SHROOM3: variants seen among roughly 807,000 people sequenced by gnomAD.
The protein encoded by SHROOM3 is protein Shroom3.
In SHROOM3, 47 loss-of-function variants were observed where a neutral mutation model predicts 138.6. The ratio of observed to expected loss-of-function variants is 0.34; its 90% CI spans 0.27 to 0.43. The LOEUF (loss-of-function observed/expected upper bound fraction) is 0.43. SHROOM3 is among the 20% of genes least tolerant of loss of function. The pLI, the probability that SHROOM3 is intolerant of heterozygous loss-of-function variation, is 1.00. For missense variants in SHROOM3, 2,491 were observed against 2,596.5 expected (o/e 0.96, Z 0.88); for synonymous variants, 1,062 against 1,063.3 (o/e 1.00, Z 0.02).
intron 1 of SHROOM3, among the ~76,000 whole-genome samples, chr4:76,512,197 C>G (rs1236828613): frequency 6.6e-6 from 1 of 152,094 alleles, no homozygotes; most frequent in Non-Finnish European, 1.5e-5. Context: ...GAAATTGACA[C>G]AAGTACCAGG....
chr4:76,627,437 T>C (rs1192180122), intron 2 of SHROOM3, among the ~76,000 whole-genome samples: 1 of 152,200 alleles, frequency 6.6e-6, no homozygotes, highest in Admixed American at 6.5e-5. Flanking sequence ...CTTGTAGATA[T>C]GCCAGTAAGA....
chr4:76,655,188 T>C (rs938105937), intron 2 of SHROOM3, among the ~76,000 whole-genome samples: 5 of 152,238 alleles, frequency 3.3e-5, no homozygotes, highest in Non-Finnish European at 5.9e-5. Flanking sequence ...TCCAATATTA[T>C]ATGCAAATAT....
chr4:76,556,499 C>G (rs1021449045), intron 2 of SHROOM3, among the ~76,000 whole-genome samples: 1 of 152,192 alleles, frequency 6.6e-6, no homozygotes, highest in Non-Finnish European at 1.5e-5. Context: ...CTGGAGGTAG[C>G]CAAGCTGATA....
chr4:76,552,280 G>A (rs1360480894), intron 1 of SHROOM3, among the ~76,000 whole-genome samples: 1 of 150,906 alleles, frequency 6.6e-6, no homozygotes, highest in Admixed American at 6.6e-5. Flanking sequence ...GCCAAAGTGG[G>A]AGGATCACTT....
chr4:76,630,106 C>A (rs966131623), intron 2 of SHROOM3, among the ~76,000 whole-genome samples: 4 of 152,178 alleles, frequency 2.6e-5, no homozygotes, highest in African/African-American at 9.7e-5. Context: ...ACCAGCTACA[C>A]TTGTTAGTTT....
chr4:76,580,645 C>T lies in SHROOM3; in HGVS notation c.323+24882C>T, dbSNP rs1051469723. On this transcript the variant is annotated intron_variant, in intron 2 of 10. Coordinates refer to ENST00000296043, the MANE Select transcript of SHROOM3 (RefSeq NM_020859.4). ...TTCTCCATGTTGGTCAGGCTGGTCT[C>T]GAACACCTGACCTCAGGTGATCTGC... Among the ~76,000 whole-genome samples the T allele has an allele frequency of 5.3e-5, 8 of 152,134 alleles. No individual in the cohort carries two copies. The South Asian group carries it at 1.0e-3, about 20-fold the overall frequency.
rs1373660662 is a variant in SHROOM3 at position 76,738,813 on chromosome 4, C to G, written c.640C>G (p.Pro214Ala). Residue 214 changes from proline (P) to alanine (A), a missense_variant, in exon 5 of 11, where the codon CCT becomes GCT. Physicochemically the swap from Pro to Ala is conservative, Grantham distance 27. This residue lies in a region of SHROOM3 where 284 missense variants were observed against 322.8 expected (regional missense o/e 0.88). Transcript: ENST00000296043. The stretch of plus-strand genomic sequence containing the variant: ...TGACCATGCTTATCTAAGGCGGAGC[C>G]CTGACCAGTGCAGCTCCCAGGGGAG... ...NYDHAYLRRSPDQCSSQGSME... is the reference protein window; with the variant it reads ...NYDHAYLRRSADQCSSQGSME... 6.2e-7 allele frequency: 1 copy of G among 1,614,256 alleles called. No homozygotes were observed. Among genetic ancestry groups the G allele is most frequent in the Admixed American group, 1.7e-5 (1 of 60,034 alleles).
intron 2 of SHROOM3, among the ~76,000 whole-genome samples, chr4:76,633,735 C>CA (rs1463838235): frequency 6.6e-6 from 1 of 151,272 alleles, no homozygotes; most frequent in Admixed American, 6.6e-5. Context: ...TTTGTTTCAG[C>CA]AAAAAATCTT....
rs577391821 is a variant in SHROOM3, at chr4:76,763,986, C to A, written c.5349+4291C>A. Among the ~76,000 whole-genome samples, 4 of 152,192 alleles carry A rather than the reference C, an allele frequency of 2.6e-5. No individual in the cohort carries two copies. In the South Asian group the frequency reaches 8.3e-4, roughly 32 times the overall value. On this transcript the variant is annotated intron_variant, in intron 9 of 10. Coordinates refer to ENST00000296043, the MANE Select transcript of SHROOM3 (RefSeq NM_020859.4). ...AATATTGTTTTGAGGTAGAATGTAG[C>A]CTTTGACCAACTTTTGCAAAGTAAT...
intron 1 of SHROOM3, among the ~76,000 whole-genome samples, chr4:76,550,015 C>G (rs1733315081): frequency 6.6e-6 from 1 of 152,084 alleles, no homozygotes; most frequent in African/African-American, 2.4e-5. Flanking sequence ...AATTGGCTGA[C>G]CTCTGAGGGA....
intron 5 of SHROOM3, among the ~76,000 whole-genome samples, chr4:76,746,003 T>A (rs564423668): frequency 4.6e-5 from 7 of 152,202 alleles, no homozygotes; most frequent in African/African-American, 1.7e-4. Flanking sequence ...AAAATAAAAT[T>A]ATTCCTCACA....
intron 1 of SHROOM3, among the ~76,000 whole-genome samples, chr4:76,519,342 T>TA (rs1732514140): frequency 6.6e-6 from 1 of 152,212 alleles, no homozygotes. Context: ...AGTTTACTCC[T>TA]AAATGTTCAG....
At chr4:76,615,133 A>AAAGTTCTAGCACATTTG (rs1734845677) in intron 2 of SHROOM3, among the ~76,000 whole-genome samples, 1 of 152,264 alleles carries the variant, frequency 6.6e-6, no homozygotes, top group Non-Finnish European at 1.5e-5. Flanking sequence ...CAGGAGGCAC[A>AAAGTTCTAGCACATTTG]AAGTTCTAGC....
intron 1 of SHROOM3, among the ~76,000 whole-genome samples, chr4:76,450,349 A>G (rs1179837528): frequency 2.6e-5 from 4 of 152,198 alleles, no homozygotes; most frequent in Non-Finnish European, 5.9e-5. Context: ...AATATTAAAC[A>G]TAGAGTTACC....
intron 1 of SHROOM3, among the ~76,000 whole-genome samples, chr4:76,490,544 C>T (rs1019531406): frequency 5.3e-5 from 8 of 151,998 alleles, no homozygotes; most frequent in Admixed American, 2.6e-4. Context: ...TGTGAGCCAC[C>T]GCACCCGGCT....
In SHROOM3 at chr4:76,646,225, A is replaced by AATAAATAAATAAATAT. The variant is rs61374645; in HGVS notation, c.324-63928_324-63927insAATAAATAAATATATA. Among the ~76,000 whole-genome samples, 26 of 96,240 alleles carry AATAAATAAATAAATAT rather than the reference A, an allele frequency of 2.7e-4. 1 individual carries two copies. Among genetic ancestry groups the AATAAATAAATAAATAT allele is most frequent in the South Asian group, 1.2e-3 (3 of 2,468 alleles). 63.1% of individuals were successfully genotyped at this position (96,240 alleles called of 152,430 possible). On this transcript the variant is annotated intron_variant, in intron 2 of 10. Transcript: ENST00000296043. Reference sequence around the variant, plus strand: ...CCTAGAACTTAAAGTATAATAAATAAATATATATATATATATATATATAAA... The same window carrying AATAAATAAATAAATAT: ...CCTAGAACTTAAAGTATAATAAATAAATAAATAAATAAATATATATATATATATATATATATATAAA...
intron 2 of SHROOM3, among the ~76,000 whole-genome samples, chr4:76,573,925 G>C (rs909881092): frequency 6.6e-6 from 1 of 151,692 alleles, no homozygotes; most frequent in South Asian, 2.1e-4. Flanking sequence ...CTTCTGTCTG[G>C]ACCTCTAGAG....
chr4:76,730,023 C>T (rs1004275527), intron 3 of SHROOM3, among the ~76,000 whole-genome samples: 2 of 152,116 alleles, frequency 1.3e-5, no homozygotes, highest in African/African-American at 4.8e-5. Context: ...GATTACCTGA[C>T]TTTTTTTGCC....
chr4:76,696,030 C>T (rs1004317885), intron 2 of SHROOM3, among the ~76,000 whole-genome samples: 3 of 152,084 alleles, frequency 2.0e-5, no homozygotes, highest in Non-Finnish European at 4.4e-5. Flanking sequence ...CCAAATGAGC[C>T]GTATTATTTT....
Sources: allele counts gnomAD v4.1 joint callset (sites outside exome capture counted in the v4.1 genomes callset), GRCh38; gene constraint gnomAD v4.1.1; regional missense constraint gnomAD v4.1.1; transcripts MANE v1.5; gene names NCBI Gene and HGNC (gene_info 2026-07-23, HGNC 2026-07-21).